The following PTK2B variants were observed in gnomAD, a reference collection of about 807,000 sequenced individuals.
PTK2B encodes the protein protein tyrosine kinase 2 beta.
Under a neutral mutation model 142.9 loss-of-function variants are expected in PTK2B, and 71 were observed. That is an observed-to-expected ratio of 0.50 (90% CI 0.41 to 0.61). The LOEUF is 0.61. Among genes scored for constraint, PTK2B ranks in the 20% least tolerant of loss-of-function variants. The pLI is 0.00. For synonymous variants in PTK2B, 519 were observed against 503.4 expected, an observed-to-expected ratio of 1.03 and a Z score of -0.42; for missense variants, 1,105 against 1,320.4, an observed-to-expected ratio of 0.84 and a Z score of 2.53.
intron 1 of PTK2B, among the ~76,000 whole-genome samples, chr8:27,326,358 C>T (rs1238448678): frequency 3.3e-5 from 5 of 152,208 alleles, no homozygotes; most frequent in African/African-American, 1.2e-4. Flanking sequence ...TCAGGCTGCG[C>T]GTGGGCACCG....
At chr8:27,410,366 G>C (rs994147608) in intron 2 of PTK2B, among the ~76,000 whole-genome samples, 4 of 152,110 alleles carry the variant, frequency 2.6e-5, no homozygotes, top group Non-Finnish European at 5.9e-5. Context: ...AGAGCCAGAA[G>C]AGCTGTCCCA....
intron 1 of PTK2B, among the ~76,000 whole-genome samples, chr8:27,337,649 T>C (rs1804155892): frequency 6.6e-6 from 1 of 152,232 alleles, no homozygotes; most frequent in African/African-American, 2.4e-5. Context: ...CTTAGCACAA[T>C]GTTTTGAAAC....
chr8:27,437,039 AGGAGGCCATGG>A, intron 15 of PTK2B, 72 bp from the exon 16 acceptor site: 5 of 1,335,380 alleles, frequency 3.7e-6, no homozygotes, highest in Non-Finnish European at 5.4e-6. Context: ...CAAAATCTGC[AGGAGGCCATGG>A]GGAGGCCAGG....
chr8:27,311,206 C>T (rs1328465630), upstream of PTK2B: 1 of 1,588,734 alleles, frequency 6.3e-7, no homozygotes, highest in South Asian at 1.1e-5. Context: ...AGCGGGAAGG[C>T]CCGGGGGACA....
intron 1 of PTK2B, among the ~76,000 whole-genome samples, chr8:27,385,070 C>T (rs1457071720): frequency 6.6e-6 from 1 of 152,218 alleles, no homozygotes; most frequent in Admixed American, 6.5e-5. Context: ...CTGCTCTCGA[C>T]TTGCTGTGTG....
At chr8:27,411,871 A>T (rs915031559) in intron 2 of PTK2B, among the ~76,000 whole-genome samples, 1 of 152,146 alleles carries the variant, frequency 6.6e-6, no homozygotes, top group Non-Finnish European at 1.5e-5. Flanking sequence ...CACACTTCTG[A>T]CCAATTGGCT....
intron 1 of PTK2B, among the ~76,000 whole-genome samples, chr8:27,337,489 C>A (rs1490910632): frequency 6.6e-6 from 1 of 152,128 alleles, no homozygotes; most frequent in African/African-American, 2.4e-5. Context: ...AAAAGAAACC[C>A]CCGTACCATA....
chr8:27,398,028 ATTTG>A (rs902277804), intron 2 of PTK2B, among the ~76,000 whole-genome samples: 6 of 152,152 alleles, frequency 3.9e-5, no homozygotes, highest in Admixed American at 2.0e-4. Context: ...ACCCCAGATA[ATTTG>A]TTTGGCCTCT....
At chr8:27,334,521 G>C (rs1803941044) in intron 1 of PTK2B, among the ~76,000 whole-genome samples, 1 of 152,102 alleles carries the variant, frequency 6.6e-6, no homozygotes, top group African/African-American at 2.4e-5. Context: ...GCAGCTTCTG[G>C]GCTTCTTTGC....
intron 1 of PTK2B, among the ~76,000 whole-genome samples, chr8:27,311,913 G>A (rs1240609929): frequency 6.6e-6 from 1 of 152,148 alleles, no homozygotes; most frequent in African/African-American, 2.4e-5. Flanking sequence ...ATGTTTCAAA[G>A]TCCATTTACT....
At chr8:27,415,866 C>T (rs6988784) in intron 2 of PTK2B, among the ~76,000 whole-genome samples, 60,881 of 151,952 alleles carry the variant, frequency 0.4, 12,455 homozygotes, top group South Asian at 0.53. Flanking sequence ...TAAAACATTA[C>T]TAAAAGAAAA....
At chr8:27,426,130 CTG>C (rs2131936781) in intron 5 of PTK2B, among the ~76,000 whole-genome samples, 1 of 152,270 alleles carries the variant, frequency 6.6e-6, no homozygotes, top group African/African-American at 2.4e-5. Context: ...AGCTAAGTAA[CTG>C]TTAATAAATA....
intron 1 of PTK2B, among the ~76,000 whole-genome samples, chr8:27,373,783 G>T (rs1444742543): frequency 6.6e-6 from 1 of 152,038 alleles, no homozygotes; most frequent in East Asian, 1.9e-4. Context: ...TCAGGGCAGG[G>T]TGTCTTCTCC....
Position 27,379,263 on chromosome 8 carries a change from A to G in PTK2B, c.-37-18285A>G, listed in dbSNP as rs1448482730. ...CACTGTTTTTTGTTTGCTTTTGGAG[A>G]CAGGGTCTCATTCTGTCGCCCAGGC... On this transcript the variant is annotated intron_variant, in intron 1 of 30. Transcript: ENST00000346049. 3.9e-5 allele frequency among the ~76,000 whole-genome samples: 6 copies of G among 152,354 alleles called. No individual in the cohort carries two copies. In the South Asian group the frequency reaches 1.0e-3, roughly 26 times the overall value.
At chr8:27,435,343 A>C (rs1163247919) in intron 13 of PTK2B, among the ~76,000 whole-genome samples, 1 of 152,226 alleles carries the variant, frequency 6.6e-6, no homozygotes. Flanking sequence ...CCCACCTCCT[A>C]ATCCCATCGC....
In PTK2B at chr8:27,454,592, C is replaced by T. The variant is rs767319019; in HGVS notation, c.2795C>T (p.Pro932Leu). Reference sequence around the variant, plus strand: ...GTGGATGATCTCCTGCCTTCCTTGCCGTCATCTTCACGGACAGAGGTGAGC... The same window carrying T: ...GTGGATGATCTCCTGCCTTCCTTGCTGTCATCTTCACGGACAGAGGTGAGC... ...GSVDDLLPSL[P>L]SSSRTEIEGT... The change falls in exon 30 of 31, where the codon CCG (proline) becomes CTG (leucine). Residue 932 changes from proline to leucine, a missense_variant. Physicochemically the swap from Pro to Leu is moderately conservative, Grantham distance 98. Transcript: ENST00000346049. The T allele has an allele frequency of 1.1e-5, 18 of 1,614,000 alleles. No homozygotes were observed. Among genetic ancestry groups the T allele is most frequent in the Admixed American group, 3.3e-5 (2 of 60,008 alleles).
At chr8:27,347,086 T>C (rs1804755077) in intron 1 of PTK2B, among the ~76,000 whole-genome samples, 1 of 152,108 alleles carries the variant, frequency 6.6e-6, no homozygotes, top group Non-Finnish European at 1.5e-5. Flanking sequence ...TCTTAAAAAG[T>C]CATGGCTAGG....
intron 1 of PTK2B, among the ~76,000 whole-genome samples, chr8:27,331,723 G>A (rs1228959932): frequency 6.6e-6 from 1 of 152,064 alleles, no homozygotes; most frequent in Non-Finnish European, 1.5e-5. Context: ...CTGACCTCAG[G>A]TGATCCACTC....
intron 2 of PTK2B, among the ~76,000 whole-genome samples, chr8:27,413,999 G>A (rs1809226406): frequency 6.6e-6 from 1 of 152,158 alleles, no homozygotes; most frequent in South Asian, 2.1e-4. Context: ...TAATACTTAA[G>A]TAATCCTAGA....
Sources: gnomAD v4.1 joint callset for allele counts (sites outside exome capture counted in the v4.1 genomes callset) on GRCh38, gnomAD v4.1.1 for gene constraint, MANE v1.5 for transcripts, NCBI Gene and HGNC (gene_info 2026-07-23, HGNC 2026-07-21) for gene names.